Variants in RYR2 observed in about 807,000 individuals in gnomAD.
RYR2 encodes the protein cardiac muscle ryanodine receptor-calcium release channel.
A neutral mutation model predicts 601.1 loss-of-function variants in RYR2; 227 were observed. The ratio of observed to expected loss-of-function variants is 0.38; its 90% CI spans 0.34 to 0.42. RYR2 has a LOEUF of 0.42. Ranked by LOEUF, RYR2 falls within the 10% of genes least tolerant of loss-of-function variation. The pLI, the probability that RYR2 is intolerant of heterozygous loss-of-function variation, is 1.00. For synonymous variants in RYR2, 2,223 were observed against 2,175.1 expected (o/e 1.02, Z -0.61); for missense variants, 4,646 against 6,156.5 (o/e 0.75, Z 8.21).
intron 24 of RYR2, among the ~76,000 whole-genome samples, chr1:237,528,101 A>C (rs1450753982): frequency 6.6e-6 from 1 of 152,206 alleles, no homozygotes; most frequent in Non-Finnish European, 1.5e-5. Context: ...GCACAAAATT[A>C]AAGATGCTGG....
intron 27 of RYR2, 129 bp downstream of exon 27, chr1:237,550,820 T>A: frequency 4.8e-6 from 5 of 1,032,544 alleles, no homozygotes; most frequent in Non-Finnish European, 6.8e-6. Flanking sequence ...TTCAGCCAAG[T>A]GGATTTTCTT....
At chr1:237,461,729 A>T (rs1360568841) in intron 16 of RYR2, among the ~76,000 whole-genome samples, 1 of 138,156 alleles carries the variant, frequency 7.2e-6, no homozygotes, top group African/African-American at 2.6e-5. Flanking sequence ...ACAGTTGAGT[A>T]AAAAAAAAAA....
chr1:237,440,980 G>A (rs1394655267), intron 12 of RYR2, among the ~76,000 whole-genome samples: 1 of 137,722 alleles, frequency 7.3e-6, no homozygotes, highest in African/African-American at 2.7e-5. Flanking sequence ...CCAAATCTAT[G>A]CTCTTAATCA....
At chr1:237,645,814 A>T (rs1682063488) in intron 48 of RYR2, among the ~76,000 whole-genome samples, 1 of 151,218 alleles carries the variant, frequency 6.6e-6, no homozygotes, top group Non-Finnish European at 1.5e-5. Context: ...TGTATCAGTC[A>T]CAATGAAAGT....
intron 3 of RYR2, among the ~76,000 whole-genome samples, chr1:237,335,782 A>G (rs1697190726): frequency 6.6e-6 from 1 of 152,148 alleles, no homozygotes; most frequent in South Asian, 2.1e-4. Flanking sequence ...AATTCAGGTG[A>G]TTATGATTTG....
At chr1:237,174,688 G>A (rs1029486765) in intron 1 of RYR2, among the ~76,000 whole-genome samples, 2 of 152,150 alleles carry the variant, frequency 1.3e-5, no homozygotes, top group Non-Finnish European at 2.9e-5. Context: ...TTTTCAAATA[G>A]GAGTTAGCAG....
chr1:237,111,190 C>T lies in RYR2; in HGVS notation c.48+68621C>T, dbSNP rs559660057. Among the ~76,000 whole-genome samples the T allele has an allele frequency of 2.0e-5, 3 of 152,342 alleles. No individual in the cohort carries two copies. In the East Asian group the frequency reaches 5.8e-4, roughly 29 times the overall value. ...AAACATTTTTGGTTCAGAGGACATT[C>T]ACAGCACTGTGCTTGTTGGAGTATT... is the stretch of plus-strand genomic sequence containing the variant. On this transcript the variant is annotated intron_variant, in intron 1 of 104. Transcript: ENST00000366574.
At chr1:237,617,567 C>G in intron 38 of RYR2, 81 bp downstream of exon 38, 1 of 1,273,328 alleles carries the variant, frequency 7.9e-7, no homozygotes, top group Non-Finnish European at 1.1e-6. Context: ...AATTATATAA[C>G]TCACACGTCT....
At chr1:237,188,453 G>T (rs1003975124) in intron 1 of RYR2, among the ~76,000 whole-genome samples, 3 of 152,152 alleles carry the variant, frequency 2.0e-5, no homozygotes, top group Non-Finnish European at 2.9e-5. Context: ...TATAGAAAAT[G>T]GGGATAATAA....
rs750269889 is a variant in RYR2 at position 237,819,203 on chromosome 1, T to C, written c.14590+11T>C. On this transcript the variant is annotated intron_variant, in intron 101 of 104. Transcript: ENST00000366574. The surrounding 1 kb of genome is among the most constrained non-coding windows in gnomAD (Gnocchi z 4.0). ...TGGCCATAATACAAGGTAAGTATCC[T>C]CCTCACTGAAGCTGATGAACATCTA... 6.2e-6 allele frequency: 10 copies of C among 1,609,452 alleles called. No homozygotes were observed. The highest frequency in any genetic ancestry group is 8.5e-6 in the Non-Finnish European group (10 of 1,176,370).
At chr1:237,337,922 C>G (rs145012693) in intron 3 of RYR2, among the ~76,000 whole-genome samples, 130 of 152,278 alleles carry the variant, frequency 8.5e-4, no homozygotes, top group African/African-American at 2.4e-3. Context: ...GGTCACAAGT[C>G]TAAAATCAAT....
chr1:237,451,312 T>C (rs1378246572), intron 14 of RYR2, among the ~76,000 whole-genome samples: 1 of 152,148 alleles, frequency 6.6e-6, no homozygotes, highest in Non-Finnish European at 1.5e-5. Context: ...GGCTCACACC[T>C]GTAATCGTAG....
intron 29 of RYR2, among the ~76,000 whole-genome samples, chr1:237,586,911 GT>G (rs1674592866): frequency 6.6e-6 from 1 of 151,736 alleles, no homozygotes; most frequent in South Asian, 2.1e-4. Context: ...GTAAAGAAGG[GT>G]TTCACCATAT....
chr1:237,502,272 T>A (rs746583879), intron 21 of RYR2, among the ~76,000 whole-genome samples: 4 of 152,234 alleles, frequency 2.6e-5, no homozygotes, highest in Non-Finnish European at 5.9e-5. Context: ...TCAATGGAAC[T>A]CAGATTAAAA....
At chr1:237,377,881 G>T (rs146828020) in intron 8 of RYR2, among the ~76,000 whole-genome samples, 101 of 152,306 alleles carry the variant, frequency 6.6e-4, no homozygotes, top group African/African-American at 1.7e-3. Flanking sequence ...ATAGACAAAA[G>T]AAGAAATAGT....
intron 35 of RYR2, among the ~76,000 whole-genome samples, chr1:237,608,993 CTCT>C (rs1299233353): frequency 2.0e-5 from 3 of 151,566 alleles, no homozygotes; most frequent in Admixed American, 6.6e-5. Context: ...TCTTCTTTCT[CTCT>C]TCTTCTCTTC....
At position 237,684,151 on chromosome 1, in the gene RYR2, G is replaced by A. The variant is rs185552092; in HGVS notation, c.9018-3304G>A. ...GGGTTTCACCATGTTGGCCAGGCTG[G>A]TCTTGAACTCCTGACCTCAGGTGAT... On this transcript the variant is annotated intron_variant, in intron 62 of 104. Coordinates refer to ENST00000366574, the MANE Select transcript of RYR2 (RefSeq NM_001035.3). 1.5e-3 allele frequency among the ~76,000 whole-genome samples: 228 copies of A among 151,802 alleles called. 1 individual carries two copies. Among genetic ancestry groups the A allele is most frequent in the Admixed American group, 4.1e-3 (62 of 15,232 alleles).
At chr1:237,299,978 T>G (rs1417686192) in intron 2 of RYR2, among the ~76,000 whole-genome samples, 1 of 152,202 alleles carries the variant, frequency 6.6e-6, no homozygotes, top group Non-Finnish European at 1.5e-5. Context: ...TGTGGTTGAG[T>G]CATTCATTCA....
At chr1:237,396,379 C>T (rs1445675750) in intron 10 of RYR2, among the ~76,000 whole-genome samples, 1 of 152,150 alleles carries the variant, frequency 6.6e-6, no homozygotes, top group African/African-American at 2.4e-5. Context: ...ACGTTGATAA[C>T]AGTGATTTAA....
Sources: gnomAD v4.1 joint callset for allele counts (sites outside exome capture counted in the v4.1 genomes callset) on GRCh38, gnomAD v4.1.1 for gene constraint, Gnocchi (gnomAD v3.1) non-coding constraint, MANE v1.5 for transcripts, NCBI Gene and HGNC (gene_info 2026-07-23, HGNC 2026-07-21) for gene names.